XPO7: variants seen among roughly 807,000 people sequenced by gnomAD.
The protein encoded by XPO7 is exportin-7.
A neutral mutation model predicts 144.3 loss-of-function variants in XPO7; 21 were observed. That is an observed-to-expected ratio of 0.15 (90% CI 0.10 to 0.21). The LOEUF (loss-of-function observed/expected upper bound fraction) is 0.21. XPO7 is among the 10% of genes least tolerant of loss of function. XPO7 has a pLI of 1.00. For missense variants in XPO7, 808 were observed against 1,325.8 expected, an observed-to-expected ratio of 0.61 and a Z score of 6.06; for synonymous variants, 580 against 499.6, an observed-to-expected ratio of 1.16 and a Z score of -2.15.
chr8:21,967,562 AC>A (rs1446459515), intron 2 of XPO7, among the ~76,000 whole-genome samples: 2 of 151,354 alleles, frequency 1.3e-5, no homozygotes, highest in African/African-American at 2.4e-5. Flanking sequence ...CGATCTCCTG[AC>A]CTCAGGTGAT....
chr8:21,939,181 A>G (rs1810912848), intron 1 of XPO7, among the ~76,000 whole-genome samples: 1 of 149,002 alleles, frequency 6.7e-6, no homozygotes, highest in African/African-American at 2.5e-5. Context: ...GAATATACCC[A>G]TTGTTTTCAA....
intron 19 of XPO7, among the ~76,000 whole-genome samples, chr8:21,992,364 T>C (rs1812798697): frequency 6.6e-6 from 1 of 152,202 alleles, no homozygotes; most frequent in Non-Finnish European, 1.5e-5. Flanking sequence ...TTTACCATTT[T>C]TACATGTACA....
At chr8:21,946,451 T>C (rs1811189555) in intron 1 of XPO7, among the ~76,000 whole-genome samples, 1 of 151,886 alleles carries the variant, frequency 6.6e-6, no homozygotes, top group South Asian at 2.1e-4. Flanking sequence ...GATCTGAAGA[T>C]ACTGTTCAGA....
chr8:21,951,132 A>G (rs1423824770), intron 1 of XPO7, among the ~76,000 whole-genome samples: 1 of 152,104 alleles, frequency 6.6e-6, no homozygotes, highest in East Asian at 1.9e-4. Flanking sequence ...AGTACCTAGC[A>G]CAGGGATCAG....
At chr8:21,935,455 A>G (rs1034897566) in intron 1 of XPO7, among the ~76,000 whole-genome samples, 19 of 152,236 alleles carry the variant, frequency 1.2e-4, no homozygotes, top group Non-Finnish European at 2.8e-4. Flanking sequence ...CAGGATTAAA[A>G]TTCTAGTTTT....
chr8:21,955,640 G>T (rs1250182469), intron 1 of XPO7, among the ~76,000 whole-genome samples: 2 of 151,648 alleles, frequency 1.3e-5, no homozygotes, highest in Non-Finnish European at 2.9e-5. Flanking sequence ...GTCCTTCCAG[G>T]GGTTTCCTTG....
chr8:21,933,991 A>G (rs1810738700), intron 1 of XPO7, among the ~76,000 whole-genome samples: 1 of 152,236 alleles, frequency 6.6e-6, no homozygotes, highest in Non-Finnish European at 1.5e-5. Context: ...ATGAAAGAAA[A>G]TGTACAAGTA....
At chr8:21,947,868 AGTT>A (rs1811242961) in intron 1 of XPO7, among the ~76,000 whole-genome samples, 2 of 152,224 alleles carry the variant, frequency 1.3e-5, no homozygotes, top group South Asian at 4.1e-4. Context: ...GAGCTTCTCA[AGTT>A]GTATGTGCTT....
intron 4 of XPO7, 82 bp downstream of exon 4, chr8:21,970,392 A>ACG: frequency 7.9e-7 from 1 of 1,269,940 alleles, no homozygotes; most frequent in South Asian, 1.6e-5. Context: ...ACACACACAC[A>ACG]ACTTAACACG....
chr8:21,969,555 T>C lies in XPO7; in HGVS notation c.238T>C (p.Leu80=), dbSNP rs1811986488. 1.2e-6 allele frequency: 2 copies of C among 1,613,668 alleles called. No individual in the cohort carries two copies. Among genetic ancestry groups the C allele is most frequent in the South Asian group, 1.1e-5 (1 of 91,042 alleles). ...ATCACGCACAAACAACCCCCTACCA[T>C]TGGAACAGCGAATAGATATTCGTAA... ...LVSRTNNPLP[L]EQRIDIRNYV... is the part of the protein sequence containing the mutation. Residue 80 remains leucine, a synonymous_variant, in exon 3 of 28, where the codon TTG becomes CTG. Transcript: ENST00000252512.
chr8:21,943,405 A>G (rs1481185256), intron 1 of XPO7, among the ~76,000 whole-genome samples: 1 of 152,186 alleles, frequency 6.6e-6, no homozygotes, highest in East Asian at 1.9e-4. Flanking sequence ...CATGTTTTAA[A>G]ATATTCTAAT....
chr8:21,971,980 A>AT, intron 5 of XPO7, 39 bp downstream of exon 5: 1 of 1,595,334 alleles, frequency 6.3e-7, no homozygotes, highest in South Asian at 1.1e-5. Flanking sequence ...TAAGTGCCAT[A>AT]TTTTTTCTTA....
chr8:21,998,828 A>G lies in XPO7; in HGVS notation c.2419A>G (p.Thr807Ala). Residue 807 changes from threonine (T) to alanine (A), a missense_variant, in exon 22 of 28, where the codon ACA becomes GCA. Coordinates refer to ENST00000252512, the MANE Select transcript of XPO7 (RefSeq NM_015024.5). Reference sequence around the variant, plus strand: ...CTTCCGAGAAACCAGCAAGATGATAACAATGTATGGTAAGTGCTTCAGATA... The same window carrying G: ...CTTCCGAGAAACCAGCAAGATGATAGCAATGTATGGTAAGTGCTTCAGATA... ...LLFRETSKMITMYGNRILTLG... is the reference protein window; with the variant it reads ...LLFRETSKMIAMYGNRILTLG... 1 of 1,613,968 alleles carries G rather than the reference A, an allele frequency of 6.2e-7. No homozygotes were observed. Among genetic ancestry groups the G allele is most frequent in the Non-Finnish European group, 8.5e-7 (1 of 1,179,852 alleles).
chr8:21,977,917 G>C, intron 8 of XPO7, 74 bp downstream of exon 8: 2 of 1,314,136 alleles, frequency 1.5e-6, no homozygotes, highest in Middle Eastern at 1.8e-4. Context: ...CCTTATATTC[G>C]TTTTGTTTTA....
At chr8:21,981,635 T>C in intron 9 of XPO7, 96 bp from the exon 10 acceptor site, 1 of 1,471,670 alleles carries the variant, frequency 6.8e-7, no homozygotes, top group South Asian at 1.3e-5. Flanking sequence ...AAAAAGTAGA[T>C]TCTACCCCTT....
At chr8:21,984,007 T>C (rs1477329405) in intron 11 of XPO7, among the ~76,000 whole-genome samples, 1 of 152,196 alleles carries the variant, frequency 6.6e-6, no homozygotes, top group Admixed American at 6.5e-5. Context: ...GTCAAAGATG[T>C]GACAAAAGAA....
chr8:21,984,706 G>A lies in XPO7; in HGVS notation c.1338G>A (p.Leu446=). The A allele has an allele frequency of 6.2e-7, 1 of 1,613,988 alleles. No individual in the cohort carries two copies. Among genetic ancestry groups the A allele is most frequent in the Non-Finnish European group, 8.5e-7 (1 of 1,179,892 alleles). Residue 446 remains leucine, a synonymous_variant, in exon 12 of 28, where the codon CTG becomes CTA. Transcript: ENST00000252512. ...TGGTCCAGCAGCAGTTGGACCAGCT[G>A]TCCACCATTGGGCGTTGTGAATATG... ...TGLVQQQLDQ[L]STIGRCEYEK...
intron 16 of XPO7, among the ~76,000 whole-genome samples, chr8:21,989,865 T>TTTTTTTTTTTTTTTTTTTTTTTTTG: frequency 1.0e-5 from 1 of 99,246 alleles, no homozygotes; most frequent in Non-Finnish European, 1.9e-5. Context: ...TTTTTTTTTT[T>TTTTTTTTTTTTTTTTTTTTTTTTTG]TTGAGATGGA....
chr8:21,949,433 A>G (rs1014041073), intron 1 of XPO7, among the ~76,000 whole-genome samples: 1 of 152,174 alleles, frequency 6.6e-6, no homozygotes, highest in African/African-American at 2.4e-5. Context: ...GATTCTTACT[A>G]TGTGTGATAC....
Sources: allele counts gnomAD v4.1 joint callset (sites outside exome capture counted in the v4.1 genomes callset), GRCh38; gene constraint gnomAD v4.1.1; transcripts MANE v1.5; gene names NCBI Gene and HGNC (gene_info 2026-07-23, HGNC 2026-07-21).